Variants in LIN52 observed in about 807,000 individuals in gnomAD.
LIN52 encodes the protein protein lin-52 homolog.
LIN52 carries 4 observed loss-of-function variants against 18.5 expected under a neutral mutation model. That is an observed-to-expected ratio of 0.22 (90% confidence interval 0.11 to 0.49). The LOEUF is 0.49. LIN52 is among the 20% of genes least tolerant of loss of function. The probability of loss-of-function intolerance (pLI) is 0.97; values close to 1 mark genes in which losing one functional copy is unlikely to be tolerated. For missense variants in LIN52, 102 were observed against 139.5 expected (o/e 0.73, Z 1.35); for synonymous variants, 34 against 45.5 (o/e 0.75, Z 1.02).
intron 5 of LIN52, among the ~76,000 whole-genome samples, chr14:74,121,369 A>G (rs1210983841): frequency 1.3e-5 from 2 of 152,218 alleles, no homozygotes; most frequent in Admixed American, 6.5e-5. Flanking sequence ...GCATGTAACA[A>G]ACAGATTTCA....
At chr14:74,177,521 A>G (rs1384715584) in intron 5 of LIN52, among the ~76,000 whole-genome samples, 3 of 152,244 alleles carry the variant, frequency 2.0e-5, no homozygotes, top group African/African-American at 4.8e-5. Flanking sequence ...ACCATTCATT[A>G]GTCTCTCCTA....
chr14:74,109,604 G>A (rs2060915325), intron 5 of LIN52, among the ~76,000 whole-genome samples: 1 of 152,180 alleles, frequency 6.6e-6, no homozygotes, highest in Non-Finnish European at 1.5e-5. Flanking sequence ...TTTTGAAATT[G>A]GGATGTGTGA....
At chr14:74,193,538 A>G (rs1255822521) in intron 5 of LIN52, among the ~76,000 whole-genome samples, 1 of 152,204 alleles carries the variant, frequency 6.6e-6, no homozygotes, top group Non-Finnish European at 1.5e-5. Flanking sequence ...GTAGGGCAAT[A>G]TGTCTTTAAG....
At chr14:74,166,137 C>T (rs1009201592) in intron 5 of LIN52, among the ~76,000 whole-genome samples, 1 of 151,990 alleles carries the variant, frequency 6.6e-6, no homozygotes, top group Admixed American at 6.6e-5. Flanking sequence ...GTGATCTGCC[C>T]ACCTCAGCCT....
At chr14:74,149,352 G>A (rs778305047) in intron 5 of LIN52, among the ~76,000 whole-genome samples, 16 of 152,092 alleles carry the variant, frequency 1.1e-4, no homozygotes, top group Non-Finnish European at 1.6e-4. Flanking sequence ...TCTACAAAAC[G>A]ATTAGACTGA....
intron 1 of LIN52, among the ~76,000 whole-genome samples, chr14:74,086,546 T>TG (rs1470096217): frequency 6.6e-6 from 1 of 151,460 alleles, no homozygotes; most frequent in Non-Finnish European, 1.5e-5. Context: ...CCCAGCTACT[T>TG]GGGGGGGCTG....
intron 5 of LIN52, among the ~76,000 whole-genome samples, chr14:74,166,293 C>G: frequency 6.6e-6 from 1 of 152,124 alleles, no homozygotes; most frequent in East Asian, 1.9e-4. Flanking sequence ...CTCAGCTCAC[C>G]GCAACCTCCG....
chr14:74,142,943 C>G (rs572872349), intron 5 of LIN52, among the ~76,000 whole-genome samples: 1 of 150,536 alleles, frequency 6.6e-6, no homozygotes, highest in Non-Finnish European at 1.5e-5. Context: ...GACGTTTTGG[C>G]TTTCTGATCA....
At chr14:74,174,071 C>G (rs538411632) in intron 5 of LIN52, among the ~76,000 whole-genome samples, 2 of 152,294 alleles carry the variant, frequency 1.3e-5, no homozygotes, top group African/African-American at 4.8e-5. Context: ...TTTTATATCT[C>G]TGCATTTAAT....
rs753369692 is a variant in LIN52, at chr14:74,092,737, C to T, written c.94+1431C>T. Among the ~76,000 whole-genome samples, 561 of 151,460 alleles carry T rather than the reference C, an allele frequency of 3.7e-3. 2 individuals are homozygous for T. Among genetic ancestry groups the T allele is most frequent in the South Asian group, 7.1e-3 (34 of 4,806 alleles). On this transcript the variant is annotated intron_variant, in intron 2 of 5. Transcript: ENST00000555028. ...TTTGAGACCAGCCTCGCCAACATGG[C>T]GAAACCCTGTCTCTATCAAAAATAC... is the stretch of plus-strand genomic sequence containing the variant.
At chr14:74,118,330 T>C (rs1424870456) in intron 5 of LIN52, among the ~76,000 whole-genome samples, 1 of 152,156 alleles carries the variant, frequency 6.6e-6, no homozygotes, top group Non-Finnish European at 1.5e-5. Context: ...TATAAAAATA[T>C]TCTACTGTCC....
intron 3 of LIN52, among the ~76,000 whole-genome samples, chr14:74,096,881 G>A (rs1228588032): frequency 2.6e-5 from 4 of 152,158 alleles, no homozygotes; most frequent in Non-Finnish European, 4.4e-5. Context: ...AGTTTTAAAA[G>A]TTACACAGGT....
chr14:74,183,351 G>A (rs1595190125), intron 5 of LIN52, among the ~76,000 whole-genome samples: 5 of 151,990 alleles, frequency 3.3e-5, no homozygotes, highest in South Asian at 2.1e-4. Flanking sequence ...TGCCTGCCTC[G>A]GCCTCCCAAA....
chr14:74,152,367 C>T (rs918698910), intron 5 of LIN52, among the ~76,000 whole-genome samples: 1 of 151,970 alleles, frequency 6.6e-6, no homozygotes, highest in Admixed American at 6.6e-5. Context: ...CCTGTTCTGC[C>T]TATAGTCATC....
intron 5 of LIN52, among the ~76,000 whole-genome samples, chr14:74,162,513 C>T (rs985578990): frequency 1.3e-5 from 2 of 149,230 alleles, no homozygotes; most frequent in African/African-American, 4.9e-5. Context: ...CTCCCACCCT[C>T]TTAGCCACAT....
At chr14:74,178,520 C>T (rs946767729) in intron 5 of LIN52, among the ~76,000 whole-genome samples, 7 of 150,396 alleles carry the variant, frequency 4.7e-5, no homozygotes, top group East Asian at 4.0e-4. Flanking sequence ...TGCAGTGGTG[C>T]GATTTTGGCT....
chr14:74,094,809 C>T (rs1224201828), intron 2 of LIN52, among the ~76,000 whole-genome samples: 2 of 151,688 alleles, frequency 1.3e-5, no homozygotes, highest in African/African-American at 4.8e-5. Context: ...CTCACTGCAA[C>T]CTCCACCTCC....
chr14:74,122,224 T>C (rs902613286), intron 5 of LIN52, among the ~76,000 whole-genome samples: 3 of 152,192 alleles, frequency 2.0e-5, no homozygotes, highest in African/African-American at 7.2e-5. Flanking sequence ...AATCAGATAA[T>C]TGTATTGTGT....
At chr14:74,116,829 T>C (rs887761530) in intron 5 of LIN52, among the ~76,000 whole-genome samples, 2 of 150,094 alleles carry the variant, frequency 1.3e-5, no homozygotes, top group Admixed American at 6.6e-5. Context: ...TTACAGCAGG[T>C]GTTTTTTTTT....
Sources: allele counts gnomAD v4.1 joint callset (sites outside exome capture counted in the v4.1 genomes callset), GRCh38; gene constraint gnomAD v4.1.1; transcripts MANE v1.5; gene names NCBI Gene and HGNC (gene_info 2026-07-23, HGNC 2026-07-21).